Variants in GRIP1 observed in about 807,000 individuals in gnomAD.
The protein encoded by GRIP1 is glutamate receptor-interacting protein 1.
GRIP1 carries 45 observed loss-of-function variants against 129.9 expected under a neutral mutation model. The ratio of observed to expected loss-of-function variants is 0.35; its 90% confidence interval spans 0.27 to 0.44. The LOEUF is 0.44. Among genes scored for constraint, GRIP1 ranks in the 20% least tolerant of loss-of-function variants. GRIP1 has a pLI of 1.00. For missense variants in GRIP1, 1,196 were observed against 1,396.8 expected, an observed-to-expected ratio of 0.86 and a Z score of 2.29; for synonymous variants, 530 against 520.8, an observed-to-expected ratio of 1.02 and a Z score of -0.24.
intron 1 of GRIP1, among the ~76,000 whole-genome samples, chr12:67,061,988 T>C (rs929591603): frequency 6.6e-6 from 1 of 152,170 alleles, no homozygotes; most frequent in African/African-American, 2.4e-5. Flanking sequence ...TCTTCATGTT[T>C]CCGACATTTA....
chr12:66,861,445 G>A (rs1592910497), intron 1 of GRIP1, among the ~76,000 whole-genome samples: 1 of 152,016 alleles, frequency 6.6e-6, no homozygotes, highest in Admixed American at 6.6e-5. Flanking sequence ...CACAAACGAA[G>A]GCAACTTACA....
chr12:66,822,869 G>C (rs748962599), intron 1 of GRIP1, among the ~76,000 whole-genome samples: 1 of 152,120 alleles, frequency 6.6e-6, no homozygotes, highest in African/African-American at 2.4e-5. Flanking sequence ...TCAAAAAACT[G>C]TTGGGTACTA....
At chr12:66,562,520 C>A (rs536056770) in intron 2 of GRIP1, among the ~76,000 whole-genome samples, 31 of 152,224 alleles carry the variant, frequency 2.0e-4, no homozygotes, top group African/African-American at 6.5e-4. Flanking sequence ...TTATATACAG[C>A]TTAATAATAG....
chr12:66,765,474 GT>G (rs1182981798), intron 1 of GRIP1, among the ~76,000 whole-genome samples: 2 of 152,162 alleles, frequency 1.3e-5, no homozygotes, highest in Admixed American at 6.5e-5. Flanking sequence ...AAATGTCATA[GT>G]TTTTTTAAAT....
intron 1 of GRIP1, among the ~76,000 whole-genome samples, chr12:66,893,550 G>C (rs565759928): frequency 6.6e-6 from 1 of 152,268 alleles, no homozygotes; most frequent in South Asian, 2.1e-4. Flanking sequence ...TTTTATTCTT[G>C]AGTAGTTTTC....
chr12:66,402,253 C>T (rs1376215406), intron 16 of GRIP1, among the ~76,000 whole-genome samples: 3 of 152,212 alleles, frequency 2.0e-5, no homozygotes, highest in African/African-American at 7.2e-5. Flanking sequence ...TTATGACATT[C>T]ATCATATTGT....
At chr12:66,351,584 A>AC (rs1214971991) in intron 24 of GRIP1, among the ~76,000 whole-genome samples, 1 of 135,836 alleles carries the variant, frequency 7.4e-6, no homozygotes, top group African/African-American at 3.1e-5. Flanking sequence ...TTGGAAACTC[A>AC]CTCTGCACCC....
At chr12:66,665,017 TTCC>T (rs1317607759) in intron 1 of GRIP1, among the ~76,000 whole-genome samples, 1 of 152,176 alleles carries the variant, frequency 6.6e-6, no homozygotes, top group African/African-American at 2.4e-5. Context: ...AGGTTTTCTT[TTCC>T]TTTTTTCTTT....
At chr12:67,040,213 A>G (rs1250807552) in intron 1 of GRIP1, among the ~76,000 whole-genome samples, 1 of 129,944 alleles carries the variant, frequency 7.7e-6, no homozygotes, top group Admixed American at 7.8e-5. Context: ...CACACTACCC[A>G]CCCCCACCCC....
intron 1 of GRIP1, among the ~76,000 whole-genome samples, chr12:66,607,257 G>T (rs565448531): frequency 6.6e-6 from 1 of 152,138 alleles, no homozygotes; most frequent in African/African-American, 2.4e-5. Flanking sequence ...TAAGATGCAA[G>T]ATTCTTTCCA....
At position 66,622,467 on chromosome 12, in the gene GRIP1, G is replaced by C. The variant is rs556702166; in HGVS notation, c.56-25540C>G. On this transcript the variant is annotated intron_variant, in intron 1 of 24. Coordinates refer to ENST00000359742, the MANE Select transcript of GRIP1 (RefSeq NM_001366722.1). ...ACAAAAAAAGATAATTGAGATGCTG[G>C]ATACCCCATTTACCCTAATGTAATT... is the stretch of plus-strand genomic sequence containing the variant. Among the ~76,000 whole-genome samples the C allele has an allele frequency of 2.6e-5, 4 of 152,048 alleles. No individual in the cohort carries two copies. In the South Asian group the frequency reaches 8.3e-4, roughly 32 times the overall value.
At chr12:66,630,657 C>T (rs1264846562) in intron 1 of GRIP1, among the ~76,000 whole-genome samples, 2 of 152,162 alleles carry the variant, frequency 1.3e-5, no homozygotes, top group South Asian at 4.2e-4. Context: ...TCTATGAGGG[C>T]ATGGACATGA....
chr12:66,931,432 G>A (rs2041394123), intron 1 of GRIP1, among the ~76,000 whole-genome samples: 1 of 152,170 alleles, frequency 6.6e-6, no homozygotes, highest in Admixed American at 6.5e-5. Flanking sequence ...TAAGCAATGA[G>A]TAGAATAATG....
At chr12:66,855,295 A>G (rs1013332282) in intron 1 of GRIP1, among the ~76,000 whole-genome samples, 1 of 152,060 alleles carries the variant, frequency 6.6e-6, no homozygotes, top group African/African-American at 2.4e-5. Flanking sequence ...GAAAAAAAAT[A>G]GTCTTCAGAG....
rs375395188 is a variant in GRIP1 at position 66,464,386 on chromosome 12, G to A, written c.872+889C>T. Among the ~76,000 whole-genome samples the A allele has an allele frequency of 3.7e-4, 56 of 152,244 alleles. No homozygotes were observed. The South Asian group carries it at 1.0e-2, about 27-fold the overall frequency. ...TTCATTTTTATTGTGGCATTGAAGCGAATGATGTTTTAAGACACCCTCGAA... is the reference window on the plus strand; with the variant it reads ...TTCATTTTTATTGTGGCATTGAAGCAAATGATGTTTTAAGACACCCTCGAA... On this transcript the variant is annotated intron_variant, in intron 8 of 24. Transcript: ENST00000359742.
chr12:66,836,521 C>T (rs1259358893), intron 1 of GRIP1, among the ~76,000 whole-genome samples: 1 of 152,160 alleles, frequency 6.6e-6, no homozygotes, highest in Non-Finnish European at 1.5e-5. Flanking sequence ...CAACCACCCT[C>T]CCTTAAATTG....
chr12:66,673,246 A>G (rs1361511698), intron 1 of GRIP1, among the ~76,000 whole-genome samples: 3 of 152,216 alleles, frequency 2.0e-5, no homozygotes, highest in Admixed American at 1.3e-4. Flanking sequence ...TGCAAGATTT[A>G]AATGAGTTAG....
intron 1 of GRIP1, among the ~76,000 whole-genome samples, chr12:66,650,606 A>C (rs564217962): frequency 1.4e-4 from 22 of 152,186 alleles, no homozygotes; most frequent in Non-Finnish European, 3.1e-4. Context: ...TTGAGAGATA[A>C]CTTACACATG....
chr12:67,062,184 C>T (rs891667025), intron 1 of GRIP1, among the ~76,000 whole-genome samples: 1 of 152,186 alleles, frequency 6.6e-6, no homozygotes, highest in Non-Finnish European at 1.5e-5. Flanking sequence ...AATTCTTTAT[C>T]GCCTGCCAGA....
Sources: allele counts gnomAD v4.1 joint callset (sites outside exome capture counted in the v4.1 genomes callset), GRCh38; gene constraint gnomAD v4.1.1; transcripts MANE v1.5; gene names NCBI Gene and HGNC (gene_info 2026-07-23, HGNC 2026-07-21).